LHFPL3: variants seen among roughly 807,000 people sequenced by gnomAD.
LHFPL3 encodes the protein LHFPL tetraspan subfamily member 3 protein.
A neutral mutation model predicts 19.3 loss-of-function variants in LHFPL3; 5 were observed. The ratio of observed to expected loss-of-function variants is 0.26; its 90% CI spans 0.14 to 0.54. The LOEUF is 0.54. Ranked by LOEUF, LHFPL3 falls within the 20% of genes least tolerant of loss-of-function variation. The pLI, the probability that LHFPL3 is intolerant of heterozygous loss-of-function variation, is 0.94. For missense variants in LHFPL3, 249 were observed against 307.4 expected (o/e 0.81, Z 1.42); for synonymous variants, 133 against 126.2 (o/e 1.05, Z -0.36).
intron 1 of LHFPL3, among the ~76,000 whole-genome samples, chr7:104,560,623 G>C (rs1394884120): frequency 6.9e-6 from 1 of 144,890 alleles, no homozygotes; most frequent in African/African-American, 2.7e-5. Flanking sequence ...GATCCTTTCA[G>C]AAAACCAGCT....
chr7:104,395,398 T>A (rs1283984108), intron 1 of LHFPL3, among the ~76,000 whole-genome samples: 1 of 152,232 alleles, frequency 6.6e-6, no homozygotes, highest in Non-Finnish European at 1.5e-5. Flanking sequence ...ATTCAGTGAC[T>A]TACCTGTGTG....
intron 1 of LHFPL3, among the ~76,000 whole-genome samples, chr7:104,484,221 G>A (rs544500199): frequency 2.0e-5 from 3 of 151,936 alleles, no homozygotes; most frequent in African/African-American, 4.8e-5. Flanking sequence ...TGTCCTATTC[G>A]TTTACCTGTG....
At chr7:104,447,916 C>T (rs1792361628) in intron 1 of LHFPL3, among the ~76,000 whole-genome samples, 1 of 152,060 alleles carries the variant, frequency 6.6e-6, no homozygotes, top group African/African-American at 2.4e-5. Context: ...AGTTGGACTA[C>T]AAAAATTGCG....
At position 104,736,938 on chromosome 7, in the gene LHFPL3, C is replaced by G. The variant is rs761796574; in HGVS notation, c.682+27C>G. 6 of 1,530,926 alleles carry G rather than the reference C, an allele frequency of 3.9e-6. No individual in the cohort carries two copies. In the East Asian group the frequency reaches 1.2e-4, roughly 30 times the overall value. The allele number at this position is 1,530,926 out of a possible 1,614,324, so 94.8% of individuals were successfully genotyped here. On this transcript the variant is annotated intron_variant, in intron 2 of 2. Transcript: ENST00000424859. ...TAAGATTGCTTTAAGGAACTCTTAC[C>G]TGGATGCCTCAAGCACAAAAAAATG...
At chr7:104,774,029 A>C (rs1379064034) in intron 2 of LHFPL3, among the ~76,000 whole-genome samples, 4 of 152,262 alleles carry the variant, frequency 2.6e-5, no homozygotes, top group African/African-American at 9.6e-5. Flanking sequence ...ATGTAAAGCC[A>C]GGAAGAGAAT....
At chr7:104,430,422 A>ATGTG (rs1562895223) in intron 1 of LHFPL3, among the ~76,000 whole-genome samples, 2 of 10,848 alleles carry the variant, frequency 1.8e-4, no homozygotes, top group Admixed American at 1.3e-3. Context: ...ATATATACAT[A>ATGTG]TATATATATA....
At chr7:104,787,488 G>C (rs949216798) in intron 2 of LHFPL3, among the ~76,000 whole-genome samples, 2 of 152,160 alleles carry the variant, frequency 1.3e-5, no homozygotes, top group Admixed American at 1.3e-4. Flanking sequence ...TCTGAGGAAG[G>C]CCTGCTTCCA....
At chr7:104,430,454 ATTTTTTTTTTTTTTT>A (rs1172420054) in intron 1 of LHFPL3, among the ~76,000 whole-genome samples, 7 of 15,284 alleles carry the variant, frequency 4.6e-4, no homozygotes, top group African/African-American at 1.3e-3. Context: ...ATATATATAT[ATTTTTTTTTTTTTTT>A]TTTTTTTTTT....
chr7:104,727,583 T>C (rs1163932526), intron 1 of LHFPL3, among the ~76,000 whole-genome samples: 1 of 152,168 alleles, frequency 6.6e-6, no homozygotes, highest in Non-Finnish European at 1.5e-5. Context: ...AGCTAGGAAT[T>C]GTCAACAGCT....
chr7:104,683,031 C>A (rs1353413434), intron 1 of LHFPL3, among the ~76,000 whole-genome samples: 2 of 152,102 alleles, frequency 1.3e-5, no homozygotes, highest in Admixed American at 6.6e-5. Context: ...GTTCTGTTGC[C>A]CAGGCTGGAG....
intron 1 of LHFPL3, among the ~76,000 whole-genome samples, chr7:104,714,915 C>G (rs914610768): frequency 1.3e-5 from 2 of 151,452 alleles, no homozygotes; most frequent in Non-Finnish European, 2.9e-5. Flanking sequence ...CATGCTCACT[C>G]TATATATATA....
intron 2 of LHFPL3, among the ~76,000 whole-genome samples, chr7:104,858,006 T>A (rs1298215016): frequency 6.6e-6 from 1 of 152,216 alleles, no homozygotes; most frequent in African/African-American, 2.4e-5. Flanking sequence ...GGTTACTTCC[T>A]GCTATGAAGG....
At chr7:104,637,637 A>C (rs545328245) in intron 1 of LHFPL3, among the ~76,000 whole-genome samples, 1 of 152,226 alleles carries the variant, frequency 6.6e-6, no homozygotes, top group South Asian at 2.1e-4. Flanking sequence ...TTGAATAGGG[A>C]GTCCTTTCCC....
chr7:104,712,175 G>A (rs1793310620), intron 1 of LHFPL3, among the ~76,000 whole-genome samples: 1 of 152,214 alleles, frequency 6.6e-6, no homozygotes, highest in African/African-American at 2.4e-5. Flanking sequence ...GAAAGTCAGA[G>A]AGATGATATG....
At chr7:104,414,881 G>A (rs573211522) in intron 1 of LHFPL3, among the ~76,000 whole-genome samples, 1 of 152,190 alleles carries the variant, frequency 6.6e-6, no homozygotes. Context: ...CCAAATGAGT[G>A]TGCTTCCAAT....
chr7:104,482,478 C>T (rs114531587), intron 1 of LHFPL3, among the ~76,000 whole-genome samples: 372 of 152,322 alleles, frequency 2.4e-3, no homozygotes, highest in African/African-American at 8.5e-3. Flanking sequence ...CACAGGTGTT[C>T]CACCAGTGGT....
At chr7:104,578,768 G>T (rs1249276630) in intron 1 of LHFPL3, among the ~76,000 whole-genome samples, 1 of 152,028 alleles carries the variant, frequency 6.6e-6, no homozygotes, top group African/African-American at 2.4e-5. Context: ...TCAAGGCATG[G>T]CCCTGAAAAT....
chr7:104,864,122 G>C (rs183332015), intron 2 of LHFPL3, among the ~76,000 whole-genome samples: 103 of 152,294 alleles, frequency 6.8e-4, no homozygotes, highest in Non-Finnish European at 7.8e-4. Context: ...CTGTGTAAAA[G>C]TTCTGTACAA....
chr7:104,739,592 T>A (rs1444424743), intron 2 of LHFPL3, among the ~76,000 whole-genome samples: 2 of 149,704 alleles, frequency 1.3e-5, no homozygotes, highest in African/African-American at 5.0e-5. Context: ...TTTTTCACTA[T>A]TTTTTTTTGC....
Sources: allele counts gnomAD v4.1 joint callset (sites outside exome capture counted in the v4.1 genomes callset), GRCh38; gene constraint gnomAD v4.1.1; transcripts MANE v1.5; gene names NCBI Gene and HGNC (gene_info 2026-07-23, HGNC 2026-07-21).